Variants in SIRPA observed in about 807,000 individuals in gnomAD.
SIRPA encodes tyrosine-protein phosphatase non-receptor type substrate 1.
In SIRPA, 9 loss-of-function variants were observed where a neutral mutation model predicts 50.3. That is an observed-to-expected ratio of 0.18 (90% CI 0.11 to 0.31). SIRPA has a LOEUF of 0.31. Among genes scored for constraint, SIRPA ranks in the 10% least tolerant of loss-of-function variants. SIRPA has a pLI of 1.00. For synonymous variants in SIRPA, 265 were observed against 284.1 expected (o/e 0.93, Z 0.68); for missense variants, 474 against 661.6 (o/e 0.72, Z 3.11).
chr20:1,905,697 C>T (rs796372582), intron 1 of SIRPA, among the ~76,000 whole-genome samples: 5 of 152,346 alleles, frequency 3.3e-5, no homozygotes, highest in Non-Finnish European at 5.9e-5. Context: ...TGTCAATGTC[C>T]TCTACCTGCT....
chr20:1,895,110 C>T (rs1983694311), upstream of SIRPA, among the ~76,000 whole-genome samples: 1 of 151,632 alleles, frequency 6.6e-6, no homozygotes, highest in South Asian at 2.1e-4. Flanking sequence ...CTCTTTCTCC[C>T]CCTCTCGCCT....
intron 1 of SIRPA, among the ~76,000 whole-genome samples, chr20:1,906,077 G>A (rs1327767601): frequency 6.6e-6 from 1 of 152,204 alleles, no homozygotes; most frequent in Non-Finnish European, 1.5e-5. Context: ...TCTGCATTGA[G>A]TACTTACTCT....
chr20:1,927,749 T>C lies in SIRPA; in HGVS notation c.1202-126T>C, dbSNP rs1986066731. The C allele has an allele frequency of 3.5e-6, 3 of 848,110 alleles. No homozygotes were observed. The highest frequency in any genetic ancestry group is 1.4e-5 in the South Asian group (1 of 73,228). 52.5% of individuals were successfully genotyped at this position (848,110 alleles called of 1,614,324 possible). ...GGTGGGCATGGGGGTCTCCTGTGGT[T>C]CCAAGGATGTGATTACAGCATTTCC... On this transcript the variant is annotated intron_variant, in intron 5 of 7. Transcript: ENST00000358771. This position sits in a 1 kb window ranked among gnomAD's most constrained non-coding sequence, Gnocchi z 6.5.
Position 1,934,590 on chromosome 20 carries a change from T to TA in SIRPA, c.1227-124dup. 1 of 825,604 alleles carries TA rather than the reference T, an allele frequency of 1.2e-6. No homozygotes were observed. The highest frequency in any genetic ancestry group is 2.0e-6 in the Non-Finnish European group (1 of 505,678). The allele number at this position is 825,604 out of a possible 1,614,324, so 51.1% of individuals were successfully genotyped here. The stretch of plus-strand genomic sequence containing the variant: ...ATTTGATATGCAGTTGTATTTCTGT[T>TA]ATGAGTCCTTCGTTCATGTCCTCAA... On this transcript the variant is annotated intron_variant, in intron 6 of 7. Transcript: ENST00000358771. The surrounding 1 kb of genome is among the most constrained non-coding windows in gnomAD (Gnocchi z 4.6).
chr20:1,901,653 T>A (rs1984219727), intron 1 of SIRPA, among the ~76,000 whole-genome samples: 1 of 152,178 alleles, frequency 6.6e-6, no homozygotes, highest in Non-Finnish European at 1.5e-5. Flanking sequence ...AGATGGATTT[T>A]CCCTGCCAGG....
chr20:1,895,264 A>T, upstream of SIRPA: 1 of 366,954 alleles, frequency 2.7e-6, no homozygotes, highest in Non-Finnish European at 4.4e-6. Context: ...GGGGGCGGGG[A>T]GGGGGGGTCT....
rs1400832053 is a variant in SIRPA, at chr20:1,898,395, A to G, written c.79+2869A>G. 6.6e-6 allele frequency among the ~76,000 whole-genome samples: 1 copy of G among 152,150 alleles called. No individual in the cohort carries two copies. The highest frequency in any genetic ancestry group is 1.5e-5 in the Non-Finnish European group (1 of 68,026). On this transcript the variant is annotated intron_variant, in intron 1 of 7. Transcript: ENST00000358771. This position sits in a 1 kb window ranked among gnomAD's most constrained non-coding sequence, Gnocchi z 4.3. Reference sequence around the variant, plus strand: ...CACGGTAATTCACGTCTGTACTTGCAGTCATGCAGCACCTATGCAGTGCTG... The same window carrying G: ...CACGGTAATTCACGTCTGTACTTGCGGTCATGCAGCACCTATGCAGTGCTG...
At position 1,937,337 on chromosome 20, in the gene SIRPA, A is replaced by G. The variant is rs747659058; in HGVS notation, c.1284A>G (p.Thr428=). 2.5e-6 allele frequency: 4 copies of G among 1,613,818 alleles called. No individual in the cohort carries two copies. The South Asian group carries it at 3.3e-5, about 13-fold the overall frequency. ...AAATCCAGGACACAAATGATATCACATATGCAGACCTGAACCTGCCCAAGG... is the reference window on the plus strand; with the variant it reads ...AAATCCAGGACACAAATGATATCACGTATGCAGACCTGAACCTGCCCAAGG... ...REITQDTNDI[T]YADLNLPKGK... The change falls in exon 8 of 8, where the codon ACA becomes ACG. Residue 428 remains threonine, a synonymous_variant. Transcript: ENST00000358771. The surrounding 1 kb of genome is among the most constrained non-coding windows in gnomAD (Gnocchi z 8.3).
intron 1 of SIRPA, among the ~76,000 whole-genome samples, chr20:1,911,503 G>C (rs1328378337): frequency 1.3e-5 from 2 of 152,148 alleles, no homozygotes; most frequent in East Asian, 3.8e-4. Context: ...GTAATGGCTT[G>C]TTACGGCTGC....
chr20:1,917,244 C>A (rs926949873), intron 2 of SIRPA, among the ~76,000 whole-genome samples: 1 of 152,088 alleles, frequency 6.6e-6, no homozygotes, highest in Non-Finnish European at 1.5e-5. Flanking sequence ...ATTTCTTGCC[C>A]CCTTTACAGA....
At chr20:1,917,495 G>A (rs559258374) in intron 2 of SIRPA, among the ~76,000 whole-genome samples, 10 of 152,244 alleles carry the variant, frequency 6.6e-5, no homozygotes, top group Admixed American at 5.9e-4. Flanking sequence ...AGCCGAGATC[G>A]CACCACTGTA....
In SIRPA at chr20:1,933,078, G is replaced by C. The variant is rs555066515; in HGVS notation, c.1227-1637G>C. Among the ~76,000 whole-genome samples, 1 of 152,344 alleles carries C rather than the reference G, an allele frequency of 6.6e-6. No individual in the cohort carries two copies. Among genetic ancestry groups the C allele is most frequent in the African/African-American group, 2.4e-5 (1 of 41,584 alleles). On this transcript the variant is annotated intron_variant, in intron 6 of 7. Coordinates refer to ENST00000358771, the MANE Select transcript of SIRPA (RefSeq NM_001040023.2). This position sits in a 1 kb window ranked among gnomAD's most constrained non-coding sequence, Gnocchi z 4.4. ...GAAGAAAAGGATTAAAGCAGATTAA[G>C]AGGCAGCAGCATGGAGCATGCAAAG...
rs967820235 is a variant in SIRPA, at chr20:1,939,705, A to G, written c.*2137A>G. 2 of 152,662 alleles carry G rather than the reference A, an allele frequency of 1.3e-5. No individual in the cohort carries two copies. Among genetic ancestry groups the G allele is most frequent in the African/African-American group, 4.8e-5 (2 of 41,450 alleles). The allele number at this position is 152,662 out of a possible 1,614,324, so 9.5% of individuals were successfully genotyped here. A position where few individuals can be genotyped will look rare whatever the true frequency, so the allele number is the denominator to read the frequency against. ...TAGCTTTAGCCTGGCAACCTGGAGAATCCACATACCTTGTGTATTGAACCC... is the reference window on the plus strand; with the variant it reads ...TAGCTTTAGCCTGGCAACCTGGAGAGTCCACATACCTTGTGTATTGAACCC... On this transcript the variant is annotated 3_prime_UTR_variant, in exon 8 of 8. Coordinates refer to ENST00000358771, the MANE Select transcript of SIRPA (RefSeq NM_001040023.2). This position sits in a 1 kb window ranked among gnomAD's most constrained non-coding sequence, Gnocchi z 4.7.
At chr20:1,910,956 T>C (rs944702247) in intron 1 of SIRPA, among the ~76,000 whole-genome samples, 1 of 152,114 alleles carries the variant, frequency 6.6e-6, no homozygotes, top group Non-Finnish European at 1.5e-5. Flanking sequence ...ACAGAAAACA[T>C]AAACAAGAGC....
At chr20:1,912,351 C>T (rs1984942106) in intron 1 of SIRPA, among the ~76,000 whole-genome samples, 1 of 152,198 alleles carries the variant, frequency 6.6e-6, no homozygotes, top group Non-Finnish European at 1.5e-5. Flanking sequence ...GGCTGAGTCC[C>T]GGGCTCCGGG....
chr20:1,927,610 C>T lies in SIRPA; in HGVS notation c.1202-265C>T, dbSNP rs373315123. On this transcript the variant is annotated intron_variant, in intron 5 of 7. Coordinates refer to ENST00000358771, the MANE Select transcript of SIRPA (RefSeq NM_001040023.2). This position sits in a 1 kb window ranked among gnomAD's most constrained non-coding sequence, Gnocchi z 6.5. ...ACCCAGACAGAGGTAGGGCGGTTGT[C>T]GCCTCCCAGGCTGAAGGCTGCTTTT... Among the ~76,000 whole-genome samples, 12 of 152,286 alleles carry T rather than the reference C, an allele frequency of 7.9e-5. No individual in the cohort carries two copies. Among genetic ancestry groups the T allele is most frequent in the East Asian group, 5.8e-4 (3 of 5,172 alleles).
chr20:1,905,885 C>T (rs1010028047), intron 1 of SIRPA, among the ~76,000 whole-genome samples: 7 of 152,226 alleles, frequency 4.6e-5, no homozygotes, highest in Admixed American at 4.6e-4. Flanking sequence ...CGCCTGTCCC[C>T]GCTGCCTCCT....
At chr20:1,917,870 C>T (rs1284149616) in intron 2 of SIRPA, among the ~76,000 whole-genome samples, 6 of 152,040 alleles carry the variant, frequency 3.9e-5, no homozygotes, top group Non-Finnish European at 8.8e-5. Flanking sequence ...GATCTGGGTA[C>T]CCTGGAGGGA....
In SIRPA at chr20:1,938,394, CT is replaced by C. The variant is rs1986717920; in HGVS notation, c.*827del. ...AAATGTGAAACGTGCAATCTTGAAA[CT>C]GAGGTGTTAGAAAACTTGATCTGTG... On this transcript the variant is annotated 3_prime_UTR_variant, in exon 8 of 8. Transcript: ENST00000358771. 1.3e-5 allele frequency: 2 copies of C among 152,690 alleles called. No individual in the cohort carries two copies. The highest frequency in any genetic ancestry group is 4.8e-5 in the African/African-American group (2 of 41,454). 9.5% of individuals were successfully genotyped at this position (152,690 alleles called of 1,614,324 possible). A position where few individuals can be genotyped will look rare whatever the true frequency, so the allele number is the denominator to read the frequency against.
Sources: gnomAD v4.1 joint callset for allele counts (sites outside exome capture counted in the v4.1 genomes callset) on GRCh38, gnomAD v4.1.1 for gene constraint, Gnocchi (gnomAD v3.1) non-coding constraint, MANE v1.5 for transcripts, NCBI Gene and HGNC (gene_info 2026-07-23, HGNC 2026-07-21) for gene names.